STK24: variants seen among roughly 807,000 people sequenced by gnomAD.
STK24 encodes the protein serine/threonine-protein kinase 24.
STK24 carries 21 observed loss-of-function variants against 55.6 expected under a neutral mutation model. That is an observed-to-expected ratio of 0.38 (90% CI 0.27 to 0.54). The LOEUF is 0.54. Among genes scored for constraint, STK24 ranks in the 20% least tolerant of loss-of-function variants. The pLI, the probability that STK24 is intolerant of heterozygous loss-of-function variation, is 0.79. For missense variants in STK24, 383 were observed against 538.4 expected (o/e 0.71, Z 2.86); for synonymous variants, 200 against 215.2 (o/e 0.93, Z 0.62).
chr13:98,575,344 C>T lies in STK24; in HGVS notation c.42+1401G>A, dbSNP rs141162456. ...TAAGATAATAACTTAACTGTTGCTGCTTAAATGTATATTTATTTACTGCTT... is the reference window on the plus strand; with the variant it reads ...TAAGATAATAACTTAACTGTTGCTGTTTAAATGTATATTTATTTACTGCTT... On this transcript the variant is annotated intron_variant, in intron 1 of 10. Coordinates refer to ENST00000539966, the MANE Select transcript of STK24 (RefSeq NM_001032296.4). Among the ~76,000 whole-genome samples the T allele has an allele frequency of 3.1e-3, 471 of 151,966 alleles. 3 individuals are homozygous for T. The highest frequency in any genetic ancestry group is 5.8e-3 in the Admixed American group (88 of 15,236).
intron 2 of STK24, among the ~76,000 whole-genome samples, chr13:98,508,336 T>C (rs370285543): frequency 2.6e-5 from 4 of 152,212 alleles, no homozygotes. Context: ...TGTGATAAAG[T>C]CAGAGAACAC....
At chr13:98,535,128 C>T (rs1896679731) in intron 1 of STK24, among the ~76,000 whole-genome samples, 1 of 152,148 alleles carries the variant, frequency 6.6e-6, no homozygotes, top group Non-Finnish European at 1.5e-5. Flanking sequence ...GCAGGCGGAT[C>T]ACCTGAGGTC....
At position 98,475,360 on chromosome 13, in the gene STK24, TAAGAA is replaced by T. The variant is rs1013529075; in HGVS notation, c.331-7_331-3del. 11 of 1,581,904 alleles carry T rather than the reference TAAGAA, an allele frequency of 7.0e-6. No individual in the cohort carries two copies. In the African/African-American group the frequency reaches 1.5e-4, roughly 22 times the overall value. On this transcript the variant is annotated splice_polypyrimidine_tract_variant and splice_region_variant and intron_variant, in intron 3 of 10. Transcript: ENST00000539966. ...TTCATCTAATGGGCCAGGTTCTAAC[TAAGAA>T]GAGAAAAAAATTCTTAAAGTTACTT... is the stretch of plus-strand genomic sequence containing the variant.
At chr13:98,491,689 GCC>G (rs1895042115) in intron 2 of STK24, among the ~76,000 whole-genome samples, 1 of 94,504 alleles carries the variant, frequency 1.1e-5, no homozygotes, top group Non-Finnish European at 2.4e-5. Flanking sequence ...TCATTACTAA[GCC>G]AAAAAAAAAA....
In STK24 at chr13:98,465,467, A is replaced by G. The variant is rs561861204; in HGVS notation, c.783+909T>C. Among the ~76,000 whole-genome samples the G allele has an allele frequency of 2.0e-5, 3 of 152,372 alleles. No individual in the cohort carries two copies. The South Asian group carries it at 6.2e-4, about 32-fold the overall frequency. ...GGTGCTGGTGCATGATGGCTGCAAG[A>G]AACATCATCGTGTAATAAAATGCAG... On this transcript the variant is annotated intron_variant, in intron 6 of 10. Transcript: ENST00000539966.
At chr13:98,567,217 C>T (rs1566408873) in intron 1 of STK24, among the ~76,000 whole-genome samples, 1 of 152,396 alleles carries the variant, frequency 6.6e-6, no homozygotes, top group East Asian at 1.9e-4. Flanking sequence ...CGCGCAGACA[C>T]CACTGACTCT....
chr13:98,551,692 C>T (rs1392521840), intron 1 of STK24, among the ~76,000 whole-genome samples: 1 of 152,134 alleles, frequency 6.6e-6, no homozygotes, highest in Non-Finnish European at 1.5e-5. Context: ...CTTTCTTTCA[C>T]CCAGTTTGTA....
chr13:98,475,378 C>T lies in STK24; in HGVS notation c.331-20G>A. On this transcript the variant is annotated intron_variant, in intron 3 of 10. Coordinates refer to ENST00000539966, the MANE Select transcript of STK24 (RefSeq NM_001032296.4). ...TTCTAACTAAGAAGAGAAAAAAATT[C>T]TTAAAGTTACTTAAATGATTATCTT... is the stretch of plus-strand genomic sequence containing the variant. The T allele has an allele frequency of 6.7e-7, 1 of 1,494,018 alleles. No homozygotes were observed. Among genetic ancestry groups the T allele is most frequent in the Non-Finnish European group, 9.2e-7 (1 of 1,088,854 alleles). 92.5% of individuals were successfully genotyped at this position (1,494,018 alleles called of 1,614,324 possible).
rs371664583 is a variant in STK24, at chr13:98,448,804, A to AT, written c.*4368dup. On this transcript the variant is annotated 3_prime_UTR_variant, in exon 11 of 11. Transcript: ENST00000539966. ...GCAAATGAGATCATTTTCAGATTTCATTTTTTTTTTCAGTCTTTCTACTTT... is the reference window on the plus strand; with the variant it reads ...GCAAATGAGATCATTTTCAGATTTCATTTTTTTTTTTCAGTCTTTCTACTTT... The AT allele has an allele frequency of 0.057, 4,561 of 80,126 alleles. 195 individuals are homozygous for AT. Among genetic ancestry groups the AT allele is most frequent in the African/African-American group, 0.12 (4,201 of 34,156 alleles). The allele number at this position is 80,126 out of a possible 1,614,324, so 5.0% of individuals were successfully genotyped here. A position where few individuals can be genotyped will look rare whatever the true frequency, so the allele number is the denominator to read the frequency against.
In STK24 at chr13:98,446,571, G is replaced by T; in HGVS notation, c.*6602C>A. 2.3e-6 allele frequency: 3 copies of T among 1,331,730 alleles called. No individual in the cohort carries two copies. In the South Asian group the frequency reaches 3.9e-5, roughly 17 times the overall value. The allele number at this position is 1,331,730 out of a possible 1,614,324, so 82.5% of individuals were successfully genotyped here. On this transcript the variant is annotated 3_prime_UTR_variant, in exon 11 of 11. Transcript: ENST00000539966. Reference sequence around the variant, plus strand: ...CCCACGCCCGAGGAGGGAGCTGCCTGGGCTCCCAAGTCCCTGTCTGATGCG... The same window carrying T: ...CCCACGCCCGAGGAGGGAGCTGCCTTGGCTCCCAAGTCCCTGTCTGATGCG...
rs980363332 is a variant in STK24, at chr13:98,448,623, T to TAC, written c.*4548_*4549dup. On this transcript the variant is annotated 3_prime_UTR_variant, in exon 11 of 11. Transcript: ENST00000539966. Reference sequence around the variant, plus strand: ...CCTCCACCCTGCCCCTGAAAAACAGTACACACACATCCGTTCAACACAAGA... The same window carrying TAC: ...CCTCCACCCTGCCCCTGAAAAACAGTACACACACACATCCGTTCAACACAAGA... The TAC allele has an allele frequency of 2.9e-6, 1 of 339,578 alleles. No individual in the cohort carries two copies. Among genetic ancestry groups the TAC allele is most frequent in the Admixed American group, 4.6e-5 (1 of 21,714 alleles). 21.0% of individuals were successfully genotyped at this position (339,578 alleles called of 1,614,324 possible). A position where few individuals can be genotyped will look rare whatever the true frequency, so the allele number is the denominator to read the frequency against.
Position 98,453,186 on chromosome 13 carries a change from G to A in STK24, c.1283C>T (p.Thr428Ile), listed in dbSNP as rs774776414. ...GCCAAAGGAATTTCAGTGGGATGAA[G>A]TTCCTCCACCACTTAGAGAGTATCT... ...LQRYSLSGGG[T>I]SSH Residue 428 changes from threonine to isoleucine, a missense_variant, in exon 11 of 11, where the codon ACT becomes ATT. By Grantham distance (89) the Thr-to-Ile change is moderately conservative. Coordinates refer to ENST00000539966, the MANE Select transcript of STK24 (RefSeq NM_001032296.4). 1 of 1,613,634 alleles carries A rather than the reference G, an allele frequency of 6.2e-7. No individual in the cohort carries two copies. Among genetic ancestry groups the A allele is most frequent in the Non-Finnish European group, 8.5e-7 (1 of 1,179,820 alleles).
intron 1 of STK24, among the ~76,000 whole-genome samples, chr13:98,522,518 A>C (rs548459072): frequency 6.6e-6 from 1 of 152,322 alleles, no homozygotes; most frequent in South Asian, 2.1e-4. Context: ...CAGCTTTCAA[A>C]GCGCTAGCTC....
At chr13:98,509,529 A>C (rs1895806708) in intron 2 of STK24, among the ~76,000 whole-genome samples, 1 of 152,234 alleles carries the variant, frequency 6.6e-6, no homozygotes, top group African/African-American at 2.4e-5. Flanking sequence ...TTAAACATAA[A>C]ATTTGTATAT....
intron 7 of STK24, 37 bp downstream of exon 7, chr13:98,463,654 C>CCA (rs1893806277): frequency 6.3e-7 from 1 of 1,593,242 alleles, no homozygotes; most frequent in African/African-American, 1.4e-5. Context: ...CGGATCCCTC[C>CCA]CACACACATG....
chr13:98,561,977 CAAAAAAAAAAA>C (rs10564690), intron 1 of STK24, among the ~76,000 whole-genome samples: 7 of 53,628 alleles, frequency 1.3e-4, no homozygotes, highest in African/African-American at 4.1e-4. Context: ...GACTCCGTCT[CAAAAAAAAAAA>C]AAAAAAAAAA....
At chr13:98,524,930 C>T (rs1306058985) in intron 1 of STK24, among the ~76,000 whole-genome samples, 2 of 152,264 alleles carry the variant, frequency 1.3e-5, no homozygotes, top group East Asian at 3.8e-4. Flanking sequence ...CGGCGACTTT[C>T]AGAACCCCTG....
intron 1 of STK24, among the ~76,000 whole-genome samples, chr13:98,538,552 G>C (rs1302657681): frequency 6.6e-6 from 1 of 152,168 alleles, no homozygotes; most frequent in Non-Finnish European, 1.5e-5. Flanking sequence ...TCCTCAAGCA[G>C]TAGCTTACTG....
intron 1 of STK24, among the ~76,000 whole-genome samples, chr13:98,556,050 C>T (rs373935741): frequency 1.8e-4 from 28 of 152,196 alleles, no homozygotes; most frequent in South Asian, 1.4e-3. Context: ...ATATACCTGA[C>T]GAAATGCCCG....
Sources: allele counts gnomAD v4.1 joint callset (sites outside exome capture counted in the v4.1 genomes callset), GRCh38; gene constraint gnomAD v4.1.1; transcripts MANE v1.5; gene names NCBI Gene and HGNC (gene_info 2026-07-23, HGNC 2026-07-21).